Variants in TMEM62 observed in about 807,000 individuals in gnomAD.
The protein encoded by TMEM62 is transmembrane protein 62.
TMEM62 carries 41 observed loss-of-function variants against 70.4 expected under a neutral mutation model. The ratio of observed to expected loss-of-function variants is 0.58; its 90% confidence interval spans 0.45 to 0.76. TMEM62 has a LOEUF of 0.76. TMEM62 is among the 30% of genes least tolerant of loss of function. The pLI is 0.00. For missense variants in TMEM62, 688 were observed against 788.5 expected (o/e 0.87, Z 1.53); for synonymous variants, 268 against 291.0 (o/e 0.92, Z 0.80).
chr15:43,138,679 G>A, intron 4 of TMEM62, 60 bp downstream of exon 4: 1 of 1,341,242 alleles, frequency 7.5e-7, no homozygotes, highest in Non-Finnish European at 1.0e-6. Context: ...GGAGGGTGTG[G>A]TCAACTCAAT....
chr15:43,147,907 G>A (rs993151129), intron 5 of TMEM62, among the ~76,000 whole-genome samples: 5 of 152,022 alleles, frequency 3.3e-5, no homozygotes, highest in Non-Finnish European at 7.4e-5. Context: ...ATTGCTGTAA[G>A]CACCTTACAT....
intron 5 of TMEM62, among the ~76,000 whole-genome samples, chr15:43,148,126 C>A (rs2036901748): frequency 6.6e-6 from 1 of 152,154 alleles, no homozygotes; most frequent in Non-Finnish European, 1.5e-5. Flanking sequence ...GTCTTCACTT[C>A]CTAGGGAATT....
intron 8 of TMEM62, among the ~76,000 whole-genome samples, chr15:43,153,666 G>A (rs994432182): frequency 1.4e-5 from 2 of 147,164 alleles, no homozygotes; most frequent in Non-Finnish European, 3.0e-5. Flanking sequence ...CATTGTGTGT[G>A]TGTGTGTGTG....
At chr15:43,135,464 C>G in intron 2 of TMEM62, 48 bp from the exon 3 acceptor site, 1 of 1,548,784 alleles carries the variant, frequency 6.5e-7, no homozygotes, top group African/African-American at 1.4e-5. Context: ...AATGGAACCC[C>G]CAGTAGTTTA....
At chr15:43,172,414 C>T (rs983758823) in intron 11 of TMEM62, among the ~76,000 whole-genome samples, 2 of 152,142 alleles carry the variant, frequency 1.3e-5, no homozygotes, top group African/African-American at 2.4e-5. Context: ...ATGTGAATTT[C>T]GGGTGTTCAC....
chr15:43,148,874 A>C lies in TMEM62; in HGVS notation c.738A>C (p.Ile246=). ...ILSPSPGIRS[I]MSSAIAYLCG... The stretch of plus-strand genomic sequence containing the variant: ...CTCCATCACCAGGAATCCGGTCAAT[A>C]ATGAGGTGAGACAAGCTTCCAAAAT... The change falls in exon 6 of 14, where the codon ATA becomes ATC. Residue 246 remains isoleucine, a synonymous_variant. Coordinates refer to ENST00000260403, the MANE Select transcript of TMEM62 (RefSeq NM_024956.4). 6.2e-7 allele frequency: 1 copy of C among 1,612,332 alleles called. No homozygotes were observed.
intron 8 of TMEM62, 34 bp downstream of exon 8, chr15:43,151,979 T>C: frequency 6.5e-7 from 1 of 1,545,280 alleles, no homozygotes; most frequent in Non-Finnish European, 8.8e-7. Flanking sequence ...TACTTTCAGT[T>C]TGATAATGAA....
In TMEM62 at chr15:43,176,438, T is replaced by C. The variant is rs192893044; in HGVS notation, c.1382-2169T>C. On this transcript the variant is annotated intron_variant, in intron 11 of 13. Coordinates refer to ENST00000260403, the MANE Select transcript of TMEM62 (RefSeq NM_024956.4). Reference sequence around the variant, plus strand: ...CAGCCCAACTGGGAGGCACCCCCAGTAGGGGCAGACTGACATCTCACACGG... The same window carrying C: ...CAGCCCAACTGGGAGGCACCCCCAGCAGGGGCAGACTGACATCTCACACGG... Among the ~76,000 whole-genome samples the C allele has an allele frequency of 4.5e-3, 687 of 152,214 alleles. 1 individual carries two copies. The highest frequency in any genetic ancestry group is 7.4e-3 in the Non-Finnish European group (501 of 68,018).
chr15:43,156,163 G>T (rs1010904598), intron 9 of TMEM62, among the ~76,000 whole-genome samples: 1 of 152,134 alleles, frequency 6.6e-6, no homozygotes, highest in Non-Finnish European at 1.5e-5. Context: ...GAAAACATAT[G>T]TAGTTATTTT....
Position 43,152,581 on chromosome 15 carries a change from G to C in TMEM62, c.1022+636G>C, listed in dbSNP as rs2037531419. ...GGCTAATTTTTGTATTTTTAGTAGA[G>C]AGAGGGTTTCACCGCGTTGGCCAGG... On this transcript the variant is annotated intron_variant, in intron 8 of 13. Transcript: ENST00000260403. Among the ~76,000 whole-genome samples, 3 of 152,086 alleles carry C rather than the reference G, an allele frequency of 2.0e-5. No individual in the cohort carries two copies. In the South Asian group the frequency reaches 6.2e-4, roughly 32 times the overall value.
chr15:43,168,004 A>T (rs1004212701), intron 10 of TMEM62, among the ~76,000 whole-genome samples: 1 of 151,964 alleles, frequency 6.6e-6, no homozygotes, highest in Non-Finnish European at 1.5e-5. Context: ...CACGCCTGCA[A>T]TCGCAGGCAC....
At chr15:43,134,018 C>T (rs1390011339) in intron 1 of TMEM62, 36 bp downstream of exon 1, 2 of 1,435,022 alleles carry the variant, frequency 1.4e-6, no homozygotes, top group Non-Finnish European at 1.8e-6. Context: ...GAGGCAGGTG[C>T]AGATCGGGCA....
intron 10 of TMEM62, among the ~76,000 whole-genome samples, 187 bp downstream of exon 10, chr15:43,160,981 A>T (rs1392674941): frequency 6.6e-6 from 1 of 152,148 alleles, no homozygotes; most frequent in Admixed American, 6.6e-5. Context: ...ACTTTATTAT[A>T]GTATATTGTT....
In TMEM62 at chr15:43,135,585, G is replaced by C; in HGVS notation, c.366G>C (p.Gln122His). Reference sequence around the variant, plus strand: ...ATGAGGTAGAATGGCAAACCTACCAGGGTATTCTGAAGAAGACAAGAGTCA... The same window carrying C: ...ATGAGGTAGAATGGCAAACCTACCACGGTATTCTGAAGAAGACAAGAGTCA... ...RQHEVEWQTYQGILKKTRVME... is the reference protein window; with the variant it reads ...RQHEVEWQTYHGILKKTRVME... Residue 122 changes from glutamine (Q) to histidine (H), a missense_variant, in exon 3 of 14, where the codon CAG (glutamine) becomes CAC (histidine). Gln to His is a conservative substitution (Grantham distance 24). Transcript: ENST00000260403. The C allele has an allele frequency of 6.2e-7, 1 of 1,610,744 alleles. No homozygotes were observed. Among genetic ancestry groups the C allele is most frequent in the Non-Finnish European group, 8.5e-7 (1 of 1,179,352 alleles).
At chr15:43,179,073 C>G (rs2041077684) in intron 12 of TMEM62, among the ~76,000 whole-genome samples, 1 of 152,088 alleles carries the variant, frequency 6.6e-6, no homozygotes, top group South Asian at 2.1e-4. Flanking sequence ...TTATACCTAT[C>G]TTCTGTGTTT....
At position 43,160,823 on chromosome 15, in the gene TMEM62, T is replaced by C. The variant is rs779727439; in HGVS notation, c.1296+29T>C. 13 of 1,337,532 alleles carry C rather than the reference T, an allele frequency of 9.7e-6. No individual in the cohort carries two copies. In the East Asian group the frequency reaches 2.1e-4, roughly 22 times the overall value. 82.9% of individuals were successfully genotyped at this position (1,337,532 alleles called of 1,614,324 possible). A position where few individuals can be genotyped will look rare whatever the true frequency, so the allele number is the denominator to read the frequency against. On this transcript the variant is annotated intron_variant, in intron 10 of 13. Coordinates refer to ENST00000260403, the MANE Select transcript of TMEM62 (RefSeq NM_024956.4). ...AGTGAATTCAATTAAATATTACATATGTTAAATGCAGAGTCCTAAATAATA... is the reference window on the plus strand; with the variant it reads ...AGTGAATTCAATTAAATATTACATACGTTAAATGCAGAGTCCTAAATAATA...
chr15:43,150,452 G>T (rs2037227218), intron 7 of TMEM62, among the ~76,000 whole-genome samples: 1 of 152,038 alleles, frequency 6.6e-6, no homozygotes, highest in Non-Finnish European at 1.5e-5. Flanking sequence ...GTTTTATTTG[G>T]AGCGTACTCC....
intron 9 of TMEM62, among the ~76,000 whole-genome samples, chr15:43,157,686 A>T (rs1207479173): frequency 2.0e-5 from 3 of 152,128 alleles, no homozygotes; most frequent in African/African-American, 7.2e-5. Context: ...CTGCACCATG[A>T]TGTCTTTCAT....
chr15:43,152,001 C>T, intron 8 of TMEM62, 56 bp downstream of exon 8: 2 of 1,382,062 alleles, frequency 1.4e-6, no homozygotes, highest in South Asian at 1.4e-5. Context: ...GAGAATAAGT[C>T]ATTGTGATTG....
Sources: allele counts gnomAD v4.1 joint callset (sites outside exome capture counted in the v4.1 genomes callset), GRCh38; gene constraint gnomAD v4.1.1; transcripts MANE v1.5; gene names NCBI Gene and HGNC (gene_info 2026-07-23, HGNC 2026-07-21).